PLCB1: variants seen among roughly 807,000 people sequenced by gnomAD.
The protein encoded by PLCB1 is phospholipase C beta 1.
A neutral mutation model predicts 161.8 loss-of-function variants in PLCB1; 46 were observed. The ratio of observed to expected loss-of-function variants is 0.28; its 90% CI spans 0.22 to 0.36. PLCB1 has a LOEUF of 0.36. PLCB1 is among the 10% of genes least tolerant of loss of function. PLCB1 has a pLI of 1.00. For missense variants in PLCB1, 1,016 were observed against 1,472.5 expected, an observed-to-expected ratio of 0.69 and a Z score of 5.07; for synonymous variants, 517 against 503.7, an observed-to-expected ratio of 1.03 and a Z score of -0.35.
intron 31 of PLCB1, among the ~76,000 whole-genome samples, chr20:8,827,285 A>G (rs1192123399): frequency 6.6e-6 from 1 of 152,196 alleles, no homozygotes; most frequent in Non-Finnish European, 1.5e-5. Flanking sequence ...CATGTGCAGT[A>G]TAGGTATTTG....
intron 2 of PLCB1, among the ~76,000 whole-genome samples, chr20:8,219,003 A>G (rs1182538032): frequency 6.6e-6 from 1 of 152,116 alleles, no homozygotes; most frequent in African/African-American, 2.4e-5. Flanking sequence ...AAATTGAGGG[A>G]TGATTTCCTT....
intron 12 of PLCB1, among the ~76,000 whole-genome samples, chr20:8,714,180 G>A (rs1297305925): frequency 2.0e-5 from 3 of 152,020 alleles, no homozygotes; most frequent in Non-Finnish European, 4.4e-5. Context: ...GCAGACTCCT[G>A]GACTCCACTG....
intron 3 of PLCB1, among the ~76,000 whole-genome samples, chr20:8,589,568 A>G (rs1987086660): frequency 6.7e-6 from 1 of 150,118 alleles, no homozygotes. Context: ...GTGTCCTCAC[A>G]TGGTGGAAGG....
chr20:8,304,113 C>T (rs1984024317), intron 2 of PLCB1, among the ~76,000 whole-genome samples: 1 of 152,102 alleles, frequency 6.6e-6, no homozygotes, highest in Admixed American at 6.6e-5. Flanking sequence ...AAGTCCTGGC[C>T]CAGTAAAAAA....
intron 3 of PLCB1, among the ~76,000 whole-genome samples, chr20:8,545,447 A>G (rs1459899605): frequency 6.6e-6 from 1 of 152,214 alleles, no homozygotes. Context: ...TGTCAGCGGA[A>G]GAGGACTTTG....
intron 2 of PLCB1, among the ~76,000 whole-genome samples, chr20:8,249,182 A>G (rs2123219230): frequency 6.6e-6 from 1 of 152,066 alleles, no homozygotes; most frequent in East Asian, 1.9e-4. Flanking sequence ...AAAAAATCCA[A>G]GTGTTCGATT....
chr20:8,399,016 G>A (rs923584658), intron 3 of PLCB1, among the ~76,000 whole-genome samples: 1 of 149,304 alleles, frequency 6.7e-6, no homozygotes, highest in Non-Finnish European at 1.5e-5. Context: ...ATTGCTTTTG[G>A]CATTTGAGTC....
chr20:8,229,229 G>A (rs1243140956), intron 2 of PLCB1, among the ~76,000 whole-genome samples: 1 of 151,682 alleles, frequency 6.6e-6, no homozygotes, highest in Non-Finnish European at 1.5e-5. Flanking sequence ...TGAATTATTA[G>A]AACAATTAAA....
chr20:8,456,008 T>A (rs1981300868), intron 3 of PLCB1, among the ~76,000 whole-genome samples: 1 of 152,226 alleles, frequency 6.6e-6, no homozygotes, highest in Admixed American at 6.5e-5. Context: ...TAGGAATACG[T>A]GTTCTGGTTT....
At chr20:8,552,543 A>G (rs1985810017) in intron 3 of PLCB1, among the ~76,000 whole-genome samples, 1 of 152,184 alleles carries the variant, frequency 6.6e-6, no homozygotes, top group East Asian at 1.9e-4. Flanking sequence ...CAATAGCCAT[A>G]TGTATTTGTA....
intron 2 of PLCB1, among the ~76,000 whole-genome samples, chr20:8,313,236 A>G (rs991590168): frequency 6.6e-6 from 1 of 152,160 alleles, no homozygotes; most frequent in Non-Finnish European, 1.5e-5. Context: ...TAGCTCAGGT[A>G]TTTTTAGTTT....
At chr20:8,842,670 C>T (rs1986550309) in intron 31 of PLCB1, among the ~76,000 whole-genome samples, 1 of 152,082 alleles carries the variant, frequency 6.6e-6, no homozygotes, top group Non-Finnish European at 1.5e-5. Context: ...GCCTACAGCT[C>T]TAAGGGGGTA....
chr20:8,267,084 C>T (rs933921339), intron 2 of PLCB1, among the ~76,000 whole-genome samples: 6 of 151,928 alleles, frequency 3.9e-5, no homozygotes, highest in East Asian at 1.9e-4. Context: ...CTGGGATGAC[C>T]GTACCTTAAA....
intron 2 of PLCB1, among the ~76,000 whole-genome samples, chr20:8,276,986 C>A (rs6118146): frequency 0.46 from 42,574 of 92,160 alleles, 9,864 homozygotes; most frequent in Admixed American, 0.5. Context: ...TCTTCTTCTT[C>A]TTATTATTAT....
chr20:8,368,171 T>C (rs539085403), intron 2 of PLCB1, among the ~76,000 whole-genome samples: 108 of 152,334 alleles, frequency 7.1e-4, no homozygotes, highest in African/African-American at 2.5e-3. Flanking sequence ...GCTTTGCGTA[T>C]ATAATCAAAC....
intron 15 of PLCB1, 122 bp downstream of exon 15, chr20:8,722,543 G>T: frequency 1.8e-6 from 1 of 563,974 alleles, no homozygotes; most frequent in Non-Finnish European, 3.0e-6. Context: ...CCAATTGCCA[G>T]CTTCAATTTT....
At chr20:8,502,142 TA>T in intron 3 of PLCB1, among the ~76,000 whole-genome samples, 1 of 152,012 alleles carries the variant, frequency 6.6e-6, no homozygotes, top group Admixed American at 6.6e-5. Flanking sequence ...CATTAGATTT[TA>T]TTTTTAAAAT....
chr20:8,609,620 A>G (rs1011077843), intron 3 of PLCB1, among the ~76,000 whole-genome samples: 2 of 152,178 alleles, frequency 1.3e-5, no homozygotes, highest in Non-Finnish European at 2.9e-5. Context: ...TTTTCTTCAA[A>G]CACACTGAAT....
At chr20:8,574,643 C>T (rs1189396001) in intron 3 of PLCB1, among the ~76,000 whole-genome samples, 2 of 151,684 alleles carry the variant, frequency 1.3e-5, no homozygotes, top group African/African-American at 2.4e-5. Flanking sequence ...TGTTATCAAG[C>T]CATTACTACT....
Sources: allele counts gnomAD v4.1 joint callset (sites outside exome capture counted in the v4.1 genomes callset), GRCh38; gene constraint gnomAD v4.1.1; transcripts MANE v1.5; gene names NCBI Gene and HGNC (gene_info 2026-07-23, HGNC 2026-07-21).